The following NT5DC1 variants were observed in gnomAD, a reference collection of about 807,000 sequenced individuals.
NT5DC1 encodes the protein 5'-nucleotidase domain containing 1.
Under a neutral mutation model 59.4 loss-of-function variants are expected in NT5DC1, and 42 were observed. That is an observed-to-expected ratio of 0.71 (90% CI 0.55 to 0.92). The LOEUF (loss-of-function observed/expected upper bound fraction) is 0.92, where lower values mean the gene tolerates loss of function less well. NT5DC1 is among the 40% of genes least tolerant of loss of function. The pLI is 0.00. For synonymous variants in NT5DC1, 172 were observed against 188.1 expected (o/e 0.91, Z 0.70); for missense variants, 501 against 537.1 (o/e 0.93, Z 0.66).
chr6:116,133,039 T>A (rs1022887375), intron 6 of NT5DC1, among the ~76,000 whole-genome samples: 1 of 152,134 alleles, frequency 6.6e-6, no homozygotes, highest in Non-Finnish European at 1.5e-5. Context: ...TCAGATCAGG[T>A]CAAGAAAAAC....
rs184861698 is a variant in NT5DC1 at position 116,191,559 on chromosome 6, A to G, written c.530-29495A>G. Among the ~76,000 whole-genome samples the G allele has an allele frequency of 2.4e-4, 37 of 152,202 alleles. No individual in the cohort carries two copies. In the East Asian group the frequency reaches 7.0e-3, roughly 29 times the overall value. On this transcript the variant is annotated intron_variant, in intron 6 of 11. Coordinates refer to ENST00000319550, the MANE Select transcript of NT5DC1 (RefSeq NM_152729.3). ...AAAAGCTTTTTATGTAATAAATTATACCTTAAAATAGCCACATCTTTTCTC... is the reference window on the plus strand; with the variant it reads ...AAAAGCTTTTTATGTAATAAATTATGCCTTAAAATAGCCACATCTTTTCTC...
intron 6 of NT5DC1, among the ~76,000 whole-genome samples, chr6:116,167,906 T>G (rs1166585525): frequency 1.3e-5 from 2 of 152,194 alleles, no homozygotes; most frequent in Non-Finnish European, 2.9e-5. Context: ...TAGAGAATAT[T>G]TTTAATGGAG....
intron 8 of NT5DC1, 103 bp downstream of exon 8, chr6:116,223,234 G>C (rs1781843860): frequency 1.6e-6 from 1 of 614,500 alleles, no homozygotes; most frequent in South Asian, 2.1e-5. Flanking sequence ...TCCTCTCATG[G>C]GGAAGAAAAA....
chr6:116,127,477 A>G (rs1779349583), intron 6 of NT5DC1, among the ~76,000 whole-genome samples: 1 of 152,104 alleles, frequency 6.6e-6, no homozygotes, highest in South Asian at 2.1e-4. Flanking sequence ...TTAGAATAAC[A>G]AAATAGGAAA....
At chr6:116,161,230 T>C (rs377039968) in intron 6 of NT5DC1, among the ~76,000 whole-genome samples, 163 of 148,624 alleles carry the variant, frequency 1.1e-3, no homozygotes, top group African/African-American at 3.0e-3. Context: ...TTGGGAGATA[T>C]ACCTAATGCT....
intron 11 of NT5DC1, among the ~76,000 whole-genome samples, 177 bp downstream of exon 11, chr6:116,239,300 C>CA (rs1470689052): frequency 2.0e-5 from 3 of 152,110 alleles, no homozygotes; most frequent in Non-Finnish European, 4.4e-5. Flanking sequence ...GAGGCAACTA[C>CA]AAAAGCTCAA....
intron 6 of NT5DC1, among the ~76,000 whole-genome samples, chr6:116,150,536 C>T (rs1780013693): frequency 6.6e-6 from 1 of 152,140 alleles, no homozygotes; most frequent in South Asian, 2.1e-4. Flanking sequence ...CCACCTGCCT[C>T]GGCCTCCCAA....
At chr6:116,153,447 T>TG (rs1780103437) in intron 6 of NT5DC1, among the ~76,000 whole-genome samples, 1 of 152,160 alleles carries the variant, frequency 6.6e-6, no homozygotes, top group African/African-American at 2.4e-5. Context: ...ATAGAGTCTC[T>TG]ATTCCACTGG....
chr6:116,121,907 G>A (rs746682700), intron 6 of NT5DC1: 5 of 1,613,836 alleles, frequency 3.1e-6, no homozygotes, highest in Non-Finnish European at 4.2e-6. Flanking sequence ...GTGCCCTCGA[G>A]GTCCAGCAGG....
intron 8 of NT5DC1, among the ~76,000 whole-genome samples, chr6:116,231,416 A>G (rs1432663314): frequency 6.6e-6 from 1 of 152,200 alleles, no homozygotes; most frequent in Non-Finnish European, 1.5e-5. Flanking sequence ...GGAATCCTAG[A>G]AATAAAAATT....
At chr6:116,125,247 C>T (rs949403944) in intron 6 of NT5DC1, 4 of 1,448,588 alleles carry the variant, frequency 2.8e-6, no homozygotes, top group Non-Finnish European at 3.8e-6. Flanking sequence ...AAAGTAACAC[C>T]AAAGTTAAAT....
chr6:116,198,198 A>G (rs1262810201), intron 6 of NT5DC1, among the ~76,000 whole-genome samples: 3 of 152,116 alleles, frequency 2.0e-5, no homozygotes, highest in African/African-American at 7.2e-5. Context: ...GTAGTGAACA[A>G]CAGTTTCTGG....
At chr6:116,219,610 A>C (rs1182440575) in intron 6 of NT5DC1, among the ~76,000 whole-genome samples, 1 of 152,062 alleles carries the variant, frequency 6.6e-6, no homozygotes, top group East Asian at 1.9e-4. Flanking sequence ...GGCAGACCAC[A>C]ATATTTGCTA....
chr6:116,141,816 T>C (rs1261749890), intron 6 of NT5DC1, among the ~76,000 whole-genome samples: 1 of 150,758 alleles, frequency 6.6e-6, no homozygotes, highest in Non-Finnish European at 1.5e-5. Flanking sequence ...AGGATTATGA[T>C]AAGCATTTAA....
At chr6:116,164,342 C>G (rs1330529096) in intron 6 of NT5DC1, among the ~76,000 whole-genome samples, 1 of 152,052 alleles carries the variant, frequency 6.6e-6, no homozygotes, top group Non-Finnish European at 1.5e-5. Context: ...GTATCATACC[C>G]TTCTTTGTCT....
intron 1 of NT5DC1, among the ~76,000 whole-genome samples, chr6:116,102,863 G>A (rs1347190117): frequency 6.6e-6 from 1 of 152,254 alleles, no homozygotes; most frequent in Non-Finnish European, 1.5e-5. Context: ...GTGGTGGGTA[G>A]TATGACCTGG....
At chr6:116,199,435 C>A (rs1433082478) in intron 6 of NT5DC1, among the ~76,000 whole-genome samples, 1 of 152,068 alleles carries the variant, frequency 6.6e-6, no homozygotes, top group Non-Finnish European at 1.5e-5. Context: ...CCTTTAACTA[C>A]TCTAAGCCTT....
intron 6 of NT5DC1, among the ~76,000 whole-genome samples, chr6:116,216,326 T>A (rs61612024): frequency 0.012 from 1,753 of 152,086 alleles, 34 homozygotes; most frequent in African/African-American, 0.04. Flanking sequence ...TTTTATATTT[T>A]ATATTTTATA....
rs1426921148 is a variant in NT5DC1, at chr6:116,221,198, A to G, written c.674A>G (p.Tyr225Cys). 1 of 1,600,732 alleles carries G rather than the reference A, an allele frequency of 6.2e-7. No individual in the cohort carries two copies. Residue 225 changes from tyrosine (Y) to cysteine (C), a missense_variant, in exon 7 of 12, where the codon TAC becomes TGC. Tyr to Cys is a radical substitution (Grantham distance 194, BLOSUM62 -2). Transcript: ENST00000319550. The part of the protein sequence containing the change: ...LLLITSSHSD[Y>C]CRLLCEYILG... ...TTAATTACCAGTTCTCACAGTGATT[A>G]CTGTAGACTTCTCTGCGAATATATT... is the stretch of plus-strand genomic sequence containing the variant.
Sources: allele counts gnomAD v4.1 joint callset (sites outside exome capture counted in the v4.1 genomes callset), GRCh38; gene constraint gnomAD v4.1.1; transcripts MANE v1.5; gene names NCBI Gene and HGNC (gene_info 2026-07-23, HGNC 2026-07-21).